CNTN4: variants seen among roughly 807,000 people sequenced by gnomAD.
CNTN4 encodes the protein contactin-4.
A neutral mutation model predicts 122.5 loss-of-function variants in CNTN4; 77 were observed. That is an observed-to-expected ratio of 0.63 (90% confidence interval 0.52 to 0.76). The LOEUF (loss-of-function observed/expected upper bound fraction) is 0.76. Ranked by LOEUF, CNTN4 falls within the 30% of genes least tolerant of loss-of-function variation. The pLI, the probability that CNTN4 is intolerant of heterozygous loss-of-function variation, is 0.00. For missense variants in CNTN4, 1,256 were observed against 1,259.1 expected (o/e 1.00, Z 0.04); for synonymous variants, 512 against 447.0 (o/e 1.15, Z -1.83).
intron 2 of CNTN4, among the ~76,000 whole-genome samples, chr3:2,140,223 A>G (rs1205316487): frequency 1.3e-5 from 2 of 152,190 alleles, no homozygotes; most frequent in East Asian, 3.8e-4. Context: ...CTTTATTAGC[A>G]GTGTGAGAAC....
intron 4 of CNTN4, among the ~76,000 whole-genome samples, chr3:2,608,465 A>AAAAG (rs1263942647): frequency 1.2e-5 from 1 of 82,404 alleles, no homozygotes; most frequent in African/African-American, 2.9e-5. Context: ...GTCTGTTTAA[A>AAAAG]AAAGAAAGAA....
intron 8 of CNTN4, among the ~76,000 whole-genome samples, chr3:2,871,135 C>T (rs935347982): frequency 2.0e-5 from 3 of 152,122 alleles, no homozygotes; most frequent in African/African-American, 7.2e-5. Context: ...GAGTTCAGCC[C>T]CACCATTTAT....
At chr3:2,989,936 G>T (rs1694911953) in intron 14 of CNTN4, among the ~76,000 whole-genome samples, 2 of 152,210 alleles carry the variant, frequency 1.3e-5, no homozygotes, top group East Asian at 3.8e-4. Context: ...AGATATAAGA[G>T]AATATTAGGT....
chr3:2,587,187 C>A (rs1466035061), intron 4 of CNTN4, among the ~76,000 whole-genome samples: 1 of 152,270 alleles, frequency 6.6e-6, no homozygotes, highest in East Asian at 1.9e-4. Flanking sequence ...CTAACAAAGT[C>A]TTTCCTATAA....
intron 7 of CNTN4, among the ~76,000 whole-genome samples, chr3:2,820,244 A>T (rs1279728110): frequency 6.6e-6 from 1 of 152,210 alleles, no homozygotes; most frequent in Non-Finnish European, 1.5e-5. Flanking sequence ...CTTGGCTTCC[A>T]TAATTTGCTA....
chr3:2,165,895 T>C (rs1272119979), intron 2 of CNTN4, among the ~76,000 whole-genome samples: 1 of 152,184 alleles, frequency 6.6e-6, no homozygotes, highest in East Asian at 1.9e-4. Context: ...TTCAGCTGTG[T>C]GGAATATTAT....
At chr3:3,027,808 A>G (rs969772517) in intron 15 of CNTN4, among the ~76,000 whole-genome samples, 1 of 152,202 alleles carries the variant, frequency 6.6e-6, no homozygotes, top group Non-Finnish European at 1.5e-5. Flanking sequence ...TTATGCCAGA[A>G]TGGTGCCAGG....
At chr3:2,776,796 G>A (rs1414089924) in intron 6 of CNTN4, among the ~76,000 whole-genome samples, 1 of 152,142 alleles carries the variant, frequency 6.6e-6, no homozygotes, top group Non-Finnish European at 1.5e-5. Context: ...AGCCCGTAGA[G>A]TACAAAGTCC....
chr3:2,720,828 T>C (rs1300148125), intron 4 of CNTN4, among the ~76,000 whole-genome samples: 2 of 152,230 alleles, frequency 1.3e-5, no homozygotes, highest in African/African-American at 2.4e-5. Flanking sequence ...TTACATCCTA[T>C]AAACTGGGCT....
chr3:2,272,199 T>TA (rs1469066616), intron 2 of CNTN4, among the ~76,000 whole-genome samples: 4 of 152,132 alleles, frequency 2.6e-5, no homozygotes, highest in Non-Finnish European at 5.9e-5. Flanking sequence ...TAATACAGCT[T>TA]ACTACTGTAG....
At chr3:2,201,709 G>A (rs1191578332) in intron 2 of CNTN4, among the ~76,000 whole-genome samples, 1 of 152,080 alleles carries the variant, frequency 6.6e-6, no homozygotes, top group African/African-American at 2.4e-5. Context: ...AAAGCCTTGA[G>A]AATCCTTCAG....
chr3:2,423,958 T>TGAGG (rs2047712411), intron 3 of CNTN4, among the ~76,000 whole-genome samples: 1 of 44 alleles, frequency 0.023, no homozygotes, highest in Non-Finnish European at 0.05. Flanking sequence ...GGGTTTTTTT[T>TGAGG]GATTAGGCAA....
At chr3:2,638,475 A>G (rs1350481533) in intron 4 of CNTN4, among the ~76,000 whole-genome samples, 2 of 152,090 alleles carry the variant, frequency 1.3e-5, no homozygotes, top group Non-Finnish European at 2.9e-5. Context: ...AGATTTCTGT[A>G]ATGAAGAAAC....
chr3:2,706,084 A>C (rs1435385059), intron 4 of CNTN4, among the ~76,000 whole-genome samples: 1 of 149,106 alleles, frequency 6.7e-6, no homozygotes, highest in African/African-American at 2.5e-5. Flanking sequence ...CTAAGTGTAA[A>C]GTTCTCATCT....
intron 4 of CNTN4, among the ~76,000 whole-genome samples, chr3:2,611,302 AAAAAAAAAAAG>A (rs2081475662): frequency 6.8e-6 from 1 of 148,120 alleles, no homozygotes; most frequent in Non-Finnish European, 1.5e-5. Flanking sequence ...GGAACCAAAA[AAAAAAAAAAAG>A]AAAGAAAGAA....
At chr3:2,294,162 T>G (rs1347201511) in intron 2 of CNTN4, among the ~76,000 whole-genome samples, 1 of 152,202 alleles carries the variant, frequency 6.6e-6, no homozygotes, top group Non-Finnish European at 1.5e-5. Flanking sequence ...TCTTGTGCAG[T>G]GTTGCTTCCA....
chr3:2,679,887 G>C (rs534058600), intron 4 of CNTN4, among the ~76,000 whole-genome samples: 25 of 152,144 alleles, frequency 1.6e-4, no homozygotes, highest in African/African-American at 5.5e-4. Context: ...GTATCCTTGA[G>C]GGTAGTTGTC....
At chr3:2,925,534 G>T in intron 12 of CNTN4, 95 bp from the exon 13 acceptor site, 1 of 1,356,144 alleles carries the variant, frequency 7.4e-7, no homozygotes, top group Non-Finnish European at 1.0e-6. Context: ...AACAGAGCAA[G>T]ACTCTGTCTC....
At chr3:2,120,925 A>G (rs1057253230) in intron 2 of CNTN4, among the ~76,000 whole-genome samples, 1 of 152,128 alleles carries the variant, frequency 6.6e-6, no homozygotes, top group African/African-American at 2.4e-5. Flanking sequence ...TATGAACTAG[A>G]TACTATGATG....
Sources: allele counts gnomAD v4.1 joint callset (sites outside exome capture counted in the v4.1 genomes callset), GRCh38; gene constraint gnomAD v4.1.1; transcripts MANE v1.5; gene names NCBI Gene and HGNC (gene_info 2026-07-23, HGNC 2026-07-21).